The following MORC2 variants were observed in gnomAD, a reference collection of about 807,000 sequenced individuals.
MORC2 encodes the protein MORC family CW-type zinc finger 2.
In MORC2, 30 loss-of-function variants were observed where a neutral mutation model predicts 136.0. The ratio of observed to expected loss-of-function variants is 0.22; its 90% CI spans 0.17 to 0.30. MORC2 has a LOEUF of 0.30. Among genes scored for constraint, MORC2 ranks in the 10% least tolerant of loss-of-function variants. The pLI is 1.00. For missense variants in MORC2, 922 were observed against 1,333.1 expected (o/e 0.69, Z 4.80); for synonymous variants, 439 against 487.0 (o/e 0.90, Z 1.30).
At chr22:30,945,746 G>T (rs755020377) in intron 6 of MORC2, among the ~76,000 whole-genome samples, 2 of 152,156 alleles carry the variant, frequency 1.3e-5, no homozygotes, top group Non-Finnish European at 2.9e-5. Context: ...CTTCCTTCCA[G>T]CATAGCAGTA....
At chr22:30,956,867 T>A in intron 2 of MORC2, 70 bp from the exon 3 acceptor site, 2 of 1,226,758 alleles carry the variant, frequency 1.6e-6, no homozygotes, top group Non-Finnish European at 2.3e-6. Flanking sequence ...CATAGTGATT[T>A]GAGTAGAATG....
intron 25 of MORC2, 40 bp from the exon 26 acceptor site, chr22:30,926,911 A>G: frequency 6.4e-7 from 1 of 1,570,262 alleles, no homozygotes; most frequent in Non-Finnish European, 8.8e-7. Flanking sequence ...GGGGCCAGAA[A>G]GTGATTGGGG....
Position 30,937,213 on chromosome 22 carries a change from C to T in MORC2, c.1499-176G>A, listed in dbSNP as rs2040667609. Among the ~76,000 whole-genome samples the T allele has an allele frequency of 6.6e-6, 1 of 152,174 alleles. No individual in the cohort carries two copies. The highest frequency in any genetic ancestry group is 1.5e-5 in the Non-Finnish European group (1 of 68,040). On this transcript the variant is annotated intron_variant, in intron 15 of 25. Coordinates refer to ENST00000397641, the MANE Select transcript of MORC2 (RefSeq NM_001303256.3). The surrounding 1 kb of genome is among the most constrained non-coding windows in gnomAD (Gnocchi z 4.7). ...CTAATTCTTCTCAGGGACACTGATT[C>T]CAGGAAGGATGGAAACTTAATATGC...
At position 30,934,882 on chromosome 22, in the gene MORC2, A is replaced by G. The variant is rs897158764; in HGVS notation, c.2092T>C (p.Ser698Pro). 9 of 1,614,008 alleles carry G rather than the reference A, an allele frequency of 5.6e-6. No individual in the cohort carries two copies. The highest frequency in any genetic ancestry group is 7.6e-6 in the Non-Finnish European group (9 of 1,180,028). The change falls in exon 19 of 26, where the codon TCT (serine) becomes CCT (proline). Residue 698 changes from serine to proline, a missense_variant. By Grantham distance (74) the Ser-to-Pro change is moderately conservative. Coordinates refer to ENST00000397641, the MANE Select transcript of MORC2 (RefSeq NM_001303256.3). This position sits in a 1 kb window ranked among gnomAD's most constrained non-coding sequence, Gnocchi z 4.4. ...PAPLVQQLSPSLLPNSKSPRE... is the reference protein window; with the variant it reads ...PAPLVQQLSPPLLPNSKSPRE... ...GGGCTCTTGGAGTTGGGCAGTAAAG[A>G]TGGTGACAGTTGCTGCACCAGAGGG...
intron 11 of MORC2, 24 bp downstream of exon 11, chr22:30,939,935 C>T (rs900129769): frequency 6.2e-7 from 1 of 1,609,582 alleles, no homozygotes; most frequent in Non-Finnish European, 8.5e-7. Flanking sequence ...CGCTGGAGAA[C>T]AGCCGCCTGG....
chr22:30,960,495 T>C (rs1319761680), intron 1 of MORC2, among the ~76,000 whole-genome samples: 1 of 151,924 alleles, frequency 6.6e-6, no homozygotes, highest in African/African-American at 2.4e-5. Context: ...TTTATTTATT[T>C]ATTTATTTTG....
chr22:30,938,979 T>A (rs73156735), intron 12 of MORC2, among the ~76,000 whole-genome samples: 4 of 152,278 alleles, frequency 2.6e-5, no homozygotes, highest in Non-Finnish European at 5.9e-5. Context: ...AGCAGATGGA[T>A]GAGGAGTGGA....
chr22:30,930,862 C>T (rs575880374), intron 24 of MORC2, among the ~76,000 whole-genome samples: 10 of 152,232 alleles, frequency 6.6e-5, no homozygotes, highest in African/African-American at 9.6e-5. Flanking sequence ...TTGATCTCCA[C>T]GTGCACAATG....
intron 24 of MORC2, among the ~76,000 whole-genome samples, chr22:30,930,891 G>GT (rs1164331014): frequency 4.6e-5 from 7 of 152,208 alleles, no homozygotes; most frequent in African/African-American, 1.7e-4. Context: ...CAGAAACGTA[G>GT]TGAGGGCACT....
rs1437067648 is a variant in MORC2, at chr22:30,926,165, C to T, written c.*638G>A. 6.6e-6 allele frequency: 1 copy of T among 152,218 alleles called. No individual in the cohort carries two copies. Among genetic ancestry groups the T allele is most frequent in the African/African-American group, 2.4e-5 (1 of 41,438 alleles). The allele number at this position is 152,218 out of a possible 1,614,324, so 9.4% of individuals were successfully genotyped here. ...ACTGTCCATGGTTAACTGAAGAAAT[C>T]CCTCCTTCAGAAAGAACTTGAGTAG... On this transcript the variant is annotated 3_prime_UTR_variant, in exon 26 of 26. Coordinates refer to ENST00000397641, the MANE Select transcript of MORC2 (RefSeq NM_001303256.3).
At position 30,928,204 on chromosome 22, in the gene MORC2, CCTT is replaced by C. The variant is rs775952812; in HGVS notation, c.2842_2844del (p.Lys948del). 6.2e-7 allele frequency: 1 copy of C among 1,614,096 alleles called. No homozygotes were observed. The highest frequency in any genetic ancestry group is 1.7e-5 in the Admixed American group (1 of 60,024). ...CCTACTTCATATTGCTTGAAGTACT[CCTT>C]CTGTTGGGAGCAGAGCAAGAGGGAG... On this transcript the variant is annotated inframe_deletion and splice_region_variant, in exon 25 of 26. Coordinates refer to ENST00000397641, the MANE Select transcript of MORC2 (RefSeq NM_001303256.3).
chr22:30,932,801 G>C lies in MORC2; in HGVS notation c.2523-32C>G. 3 of 1,613,332 alleles carry C rather than the reference G, an allele frequency of 1.9e-6. No individual in the cohort carries two copies. Among genetic ancestry groups the C allele is most frequent in the Non-Finnish European group, 2.5e-6 (3 of 1,179,396 alleles). ...AAGACACACAGCTTATGTCATGTCT[G>C]ACCCGGGCTCCCAGGATGGGCTGCT... On this transcript the variant is annotated intron_variant, in intron 22 of 25. Transcript: ENST00000397641. The surrounding 1 kb of genome is among the most constrained non-coding windows in gnomAD (Gnocchi z 4.4).
At chr22:30,946,965 C>T (rs951666881) in intron 5 of MORC2, among the ~76,000 whole-genome samples, 6 of 152,172 alleles carry the variant, frequency 3.9e-5, no homozygotes, top group African/African-American at 4.8e-5. Context: ...CCTCCATTGA[C>T]GAAACGGCAG....
At chr22:30,967,791 G>C in intron 1 of MORC2, 31 bp downstream of exon 1, 1 of 1,550,342 alleles carries the variant, frequency 6.5e-7, no homozygotes, top group Non-Finnish European at 8.7e-7. Flanking sequence ...CGAGTTACTG[G>C]TTACCTCAGT....
chr22:30,950,337 G>GGGGGC, intron 4 of MORC2, 40 bp downstream of exon 4: 1 of 761,766 alleles, frequency 1.3e-6, no homozygotes, highest in Non-Finnish European at 2.3e-6. Context: ...TGGTTACATC[G>GGGGGC]CACCCCCCCA....
At chr22:30,936,238 T>C (rs1381142888) in intron 17 of MORC2, among the ~76,000 whole-genome samples, 4 of 152,224 alleles carry the variant, frequency 2.6e-5, no homozygotes, top group Non-Finnish European at 5.9e-5. Flanking sequence ...GAATTTTTAT[T>C]TTCTAGAGTT....
intron 10 of MORC2, 32 bp downstream of exon 10, chr22:30,940,726 C>A (rs561213514): frequency 1.9e-6 from 3 of 1,597,572 alleles, no homozygotes; most frequent in East Asian, 2.2e-5. Flanking sequence ...AGATGCACAC[C>A]CCCCCAACTC....
chr22:30,946,258 G>C, intron 6 of MORC2, 83 bp downstream of exon 6: 1 of 1,021,944 alleles, frequency 9.8e-7, no homozygotes, highest in South Asian at 1.6e-5. Context: ...AAAGAGTCTA[G>C]CATTGCAAAT....
In MORC2 at chr22:30,968,107, G is replaced by T; in HGVS notation, c.-218C>A. The T allele has an allele frequency of 1.9e-6, 1 of 524,744 alleles. No homozygotes were observed. Among genetic ancestry groups the T allele is most frequent in the Non-Finnish European group, 3.4e-6 (1 of 293,968 alleles). The allele number at this position is 524,744 out of a possible 1,614,324, so 32.5% of individuals were successfully genotyped here. A position where few individuals can be genotyped will look rare whatever the true frequency, so the allele number is the denominator to read the frequency against. ...TTTAATCTTCTCAATGATTTATGAT[G>T]TAATATTTTGGAAGGAACTATGTCA... is the stretch of plus-strand genomic sequence containing the variant. On this transcript the variant is annotated 5_prime_UTR_variant, in exon 1 of 26. Coordinates refer to ENST00000397641, the MANE Select transcript of MORC2 (RefSeq NM_001303256.3).
Sources: gnomAD v4.1 joint callset for allele counts (sites outside exome capture counted in the v4.1 genomes callset) on GRCh38, gnomAD v4.1.1 for gene constraint, Gnocchi (gnomAD v3.1) non-coding constraint, MANE v1.5 for transcripts, NCBI Gene and HGNC (gene_info 2026-07-23, HGNC 2026-07-21) for gene names.